SGCG: variants seen among roughly 807,000 people sequenced by gnomAD.
The protein encoded by SGCG is gamma-sarcoglycan.
In SGCG, 26 loss-of-function variants were observed where a neutral mutation model predicts 29.3. That is an observed-to-expected ratio of 0.89 (90% CI 0.65 to 1.23). SGCG has a LOEUF of 1.23. Ranked by LOEUF, SGCG falls within the 50% of genes most tolerant of loss-of-function variation. The pLI, the probability that SGCG is intolerant of heterozygous loss-of-function variation, is 0.00. For synonymous variants in SGCG, 145 were observed against 129.7 expected, an observed-to-expected ratio of 1.12 and a Z score of -0.80; for missense variants, 353 against 356.0, an observed-to-expected ratio of 0.99 and a Z score of 0.07.
At position 23,253,501 on chromosome 13, in the gene SGCG, G is replaced by A. The variant is rs1158027981; in HGVS notation, c.385+2784G>A. On this transcript the variant is annotated intron_variant, in intron 4 of 7. Coordinates refer to ENST00000218867, the MANE Select transcript of SGCG (RefSeq NM_000231.3). Reference sequence around the variant, plus strand: ...AACCCTTCTAGTCTCATATTTCCTGGAAGAAGTTAAATTTTGCCAATTTGG... The same window carrying A: ...AACCCTTCTAGTCTCATATTTCCTGAAAGAAGTTAAATTTTGCCAATTTGG... Among the ~76,000 whole-genome samples, 4 of 152,080 alleles carry A rather than the reference G, an allele frequency of 2.6e-5. No homozygotes were observed. In the East Asian group the frequency reaches 7.7e-4, roughly 29 times the overall value.
At chr13:23,298,802 T>C (rs574675323) in intron 6 of SGCG, among the ~76,000 whole-genome samples, 2 of 152,314 alleles carry the variant, frequency 1.3e-5, no homozygotes, top group Admixed American at 1.3e-4. Context: ...CCATTAAATC[T>C]TCTCACTGTA....
intron 4 of SGCG, among the ~76,000 whole-genome samples, chr13:23,266,775 A>C (rs1360632707): frequency 6.6e-6 from 1 of 152,154 alleles, no homozygotes; most frequent in African/African-American, 2.4e-5. Context: ...TTGCCATAAG[A>C]TATACCTGCT....
chr13:23,189,330 C>T lies in SGCG; in HGVS notation c.-1+8255C>T, dbSNP rs137947924. The stretch of plus-strand genomic sequence containing the variant: ...TAGCTGGGACTATAGGTGCATGCCA[C>T]CACGCCTGGCTATTTTTTGTATTTT... On this transcript the variant is annotated intron_variant, in intron 1 of 7. Transcript: ENST00000218867. Among the ~76,000 whole-genome samples the T allele has an allele frequency of 1.5e-3, 221 of 152,266 alleles. 1 individual carries two copies. Among genetic ancestry groups the T allele is most frequent in the African/African-American group, 5.2e-3 (215 of 41,548 alleles).
intron 6 of SGCG, among the ~76,000 whole-genome samples, chr13:23,302,319 T>C (rs1404617147): frequency 1.3e-5 from 2 of 151,770 alleles, no homozygotes; most frequent in African/African-American, 4.8e-5. Flanking sequence ...AAAATTTCTT[T>C]TGGATAGAGT....
chr13:23,290,443 G>A (rs1433834388), intron 5 of SGCG, among the ~76,000 whole-genome samples: 1 of 152,172 alleles, frequency 6.6e-6, no homozygotes, highest in African/African-American at 2.4e-5. Flanking sequence ...CGTTTTTCTG[G>A]TGTCAAGAGA....
chr13:23,217,903 A>G (rs915301067), intron 2 of SGCG, among the ~76,000 whole-genome samples: 6 of 152,238 alleles, frequency 3.9e-5, no homozygotes, highest in Admixed American at 3.3e-4. Context: ...GCTGATGAGT[A>G]TACTTCCCTA....
rs180708493 is a variant in SGCG at position 23,208,610 on chromosome 13, A to T, written c.195+4721A>T. ...AAATTACTAGTATCTCACAAATCCA[A>T]TTCTACTCTTAGAATTAAAACTTGA... On this transcript the variant is annotated intron_variant, in intron 2 of 7. Coordinates refer to ENST00000218867, the MANE Select transcript of SGCG (RefSeq NM_000231.3). Among the ~76,000 whole-genome samples the T allele has an allele frequency of 2.0e-5, 3 of 152,234 alleles. No homozygotes were observed. In the South Asian group the frequency reaches 6.2e-4, roughly 32 times the overall value.
At chr13:23,231,998 A>G (rs1879131795) in intron 2 of SGCG, among the ~76,000 whole-genome samples, 1 of 152,128 alleles carries the variant, frequency 6.6e-6, no homozygotes, top group Non-Finnish European at 1.5e-5. Context: ...ACACTCCTGT[A>G]ATCCCAGCTA....
chr13:23,167,722 T>A, the SGCG span, among the ~76,000 whole-genome samples: 2 of 146,740 alleles, frequency 1.4e-5, no homozygotes, highest in East Asian at 4.0e-4. Context: ...TATATTCCAA[T>A]CTTTTGCCCT....
intron 1 of SGCG, among the ~76,000 whole-genome samples, chr13:23,200,445 A>C (rs7994212): frequency 0.089 from 13,475 of 152,134 alleles, 715 homozygotes; most frequent in Middle Eastern, 0.16. Flanking sequence ...AACAAACAAA[A>C]AAACTGGGAA....
chr13:23,274,151 C>T lies in SGCG; in HGVS notation c.386-5208C>T, dbSNP rs376139291. Among the ~76,000 whole-genome samples, 3 of 151,984 alleles carry T rather than the reference C, an allele frequency of 2.0e-5. No individual in the cohort carries two copies. The East Asian group carries it at 5.8e-4, about 29-fold the overall frequency. Reference sequence around the variant, plus strand: ...GCTTTTGACTTGAATTCCACTTTGTCTGATATCAGGATTTTTATCCCAGCT... The same window carrying T: ...GCTTTTGACTTGAATTCCACTTTGTTTGATATCAGGATTTTTATCCCAGCT... On this transcript the variant is annotated intron_variant, in intron 4 of 7. Transcript: ENST00000218867.
At chr13:23,277,542 A>G (rs1366992228) in intron 4 of SGCG, among the ~76,000 whole-genome samples, 2 of 152,178 alleles carry the variant, frequency 1.3e-5, no homozygotes, top group Non-Finnish European at 2.9e-5. Flanking sequence ...AAAATTAAGA[A>G]CACTTGGATG....
intron 2 of SGCG, among the ~76,000 whole-genome samples, chr13:23,206,318 C>T (rs985307593): frequency 6.6e-6 from 1 of 152,120 alleles, no homozygotes; most frequent in African/African-American, 2.4e-5. Flanking sequence ...TTAATAGCAC[C>T]CATTCTCACT....
chr13:23,257,986 C>T (rs963387835), intron 4 of SGCG, among the ~76,000 whole-genome samples: 14 of 152,190 alleles, frequency 9.2e-5, no homozygotes, highest in Admixed American at 6.5e-4. Flanking sequence ...AGGGTGGTTC[C>T]TCCAGCTTTG....
intron 6 of SGCG, among the ~76,000 whole-genome samples, chr13:23,306,327 T>A (rs917033770): frequency 5.9e-5 from 9 of 151,970 alleles, no homozygotes; most frequent in Admixed American, 5.9e-4. Context: ...CCTGATGAAA[T>A]TTTTAAAGAC....
chr13:23,192,173 C>T (rs567468), intron 1 of SGCG, among the ~76,000 whole-genome samples: 81,587 of 121,772 alleles, frequency 0.67, 24,346 homozygotes, highest in African/African-American at 0.75. Flanking sequence ...AGACTGCGTC[C>T]CAAAAAAAAA....
intron 4 of SGCG, among the ~76,000 whole-genome samples, chr13:23,257,751 A>C (rs1030273799): frequency 4.6e-5 from 7 of 152,178 alleles, no homozygotes; most frequent in Non-Finnish European, 7.3e-5. Flanking sequence ...ATCCAGTTTC[A>C]GCTTTCTACA....
intron 2 of SGCG, chr13:23,217,297 G>C (rs1878468129): frequency 1.3e-5 from 2 of 151,956 alleles, no homozygotes; most frequent in Admixed American, 1.3e-4. Context: ...CCTTTCTGTT[G>C]CCTCTTTTGC....
At chr13:23,187,622 C>T (rs891129986) in intron 1 of SGCG, among the ~76,000 whole-genome samples, 3 of 152,122 alleles carry the variant, frequency 2.0e-5, no homozygotes, top group Non-Finnish European at 1.5e-5. Context: ...CCTGTGTGGC[C>T]AGGAGAGGTG....
Sources: gnomAD v4.1 joint callset for allele counts (sites outside exome capture counted in the v4.1 genomes callset) on GRCh38, gnomAD v4.1.1 for gene constraint, MANE v1.5 for transcripts, NCBI Gene and HGNC (gene_info 2026-07-23, HGNC 2026-07-21) for gene names.